ADAMTS10: variants seen among roughly 807,000 people sequenced by gnomAD.
ADAMTS10 encodes ADAM metallopeptidase with thrombospondin type 1 motif 10.
In ADAMTS10, 48 loss-of-function variants were observed where a neutral mutation model predicts 135.9. The observed-to-expected ratio is 0.35, with a 90% CI of 0.28 to 0.45. The LOEUF (loss-of-function observed/expected upper bound fraction) is 0.45. Ranked by LOEUF, ADAMTS10 falls within the 20% of genes least tolerant of loss-of-function variation. The pLI, the probability that ADAMTS10 is intolerant of heterozygous loss-of-function variation, is 1.00. For synonymous variants in ADAMTS10, 621 were observed against 647.5 expected (o/e 0.96, Z 0.62); for missense variants, 1,131 against 1,565.2 (o/e 0.72, Z 4.68).
At chr19:8,585,394 G>A in intron 23 of ADAMTS10, 62 bp downstream of exon 23, 3 of 1,536,144 alleles carry the variant, frequency 2.0e-6, no homozygotes, top group Non-Finnish European at 2.6e-6. Context: ...ACCGCGCAGA[G>A]GCGTCTCCGT....
At chr19:8,609,508 G>A (rs1424563637) in intron 1 of ADAMTS10, among the ~76,000 whole-genome samples, 2 of 152,046 alleles carry the variant, frequency 1.3e-5, no homozygotes, top group African/African-American at 2.4e-5. Context: ...GGCCAAGGCC[G>A]CGTCTCCCCA....
Position 8,592,051 on chromosome 19 carries a change from T to C in ADAMTS10, c.1640A>G (p.Asp547Gly). ...VPFGSRPEGV[D>G]GAWGPWTPWG... ...TGGAGTCCACGGCCCCCAGGCTCCG[T>C]CCACACCCTCTGGGCGCGACCCAAA... The change falls in exon 14 of 26, where the codon GAC becomes GGC. Residue 547 changes from aspartate to glycine, a missense_variant. This residue lies in a region of ADAMTS10 where 745 missense variants were observed against 1,056.3 expected (regional missense o/e 0.71). Transcript: ENST00000597188. 6.2e-7 allele frequency: 1 copy of C among 1,613,648 alleles called. No individual in the cohort carries two copies. Among genetic ancestry groups the C allele is most frequent in the Non-Finnish European group, 8.5e-7 (1 of 1,179,812 alleles).
intron 7 of ADAMTS10, 36 bp downstream of exon 7, chr19:8,597,198 T>TGAAGGG (rs782740718): frequency 1.2e-5 from 20 of 1,613,830 alleles, no homozygotes; most frequent in East Asian, 4.5e-5. Context: ...CATGCTGGTA[T>TGAAGGG]GAAGGGGAAG....
rs927267532 is a variant in ADAMTS10, at chr19:8,603,753, G to C, written c.567C>G (p.His189Gln). The C allele has an allele frequency of 1.2e-6, 2 of 1,614,028 alleles. No individual in the cohort carries two copies. Among genetic ancestry groups the C allele is most frequent in the East Asian group, 2.2e-5 (1 of 44,896 alleles). The change falls in exon 5 of 26, where the codon CAC (histidine) becomes CAG (glutamine). Residue 189 changes from histidine to glutamine, a missense_variant. His to Gln is a conservative substitution (Grantham distance 24). Around this residue, in one of 3 missense-constraint regions of ADAMTS10, gnomAD observed 306 missense variants for 344.4 expected, o/e 0.89. Transcript: ENST00000597188. Reference protein sequence around the residue: ...VYKRSSLRHPHLDTACGVRDE... With the variant: ...VYKRSSLRHPQLDTACGVRDE... Reference sequence around the variant, plus strand: ...CTCTCACTCCACAGGCTGTGTCCAGGTGGGGGTGACGCAGAGAGGAACGCT... The same window carrying C: ...CTCTCACTCCACAGGCTGTGTCCAGCTGGGGGTGACGCAGAGAGGAACGCT...
chr19:8,585,156 G>A lies in ADAMTS10; in HGVS notation c.3018C>T (p.Arg1006=). The change falls in exon 24 of 26, where the codon CGC becomes CGT. Residue 1006 remains arginine, a synonymous_variant. Coordinates refer to ENST00000597188, the MANE Select transcript of ADAMTS10 (RefSeq NM_030957.4). Reference sequence around the variant, plus strand: ...CCTCACCCCACTCGCCAGCCACCCAGCGGGCCGGGGGGCAGCGGCGCAAGT... The same window carrying A: ...CCTCACCCCACTCGCCAGCCACCCAACGGGCCGGGGGGCAGCGGCGCAAGT... ...RCNLRRCPPA[R]WVAGEWGECS... 7.1e-7 allele frequency: 1 copy of A among 1,409,870 alleles called. No homozygotes were observed. Among genetic ancestry groups the A allele is most frequent in the Non-Finnish European group, 9.2e-7 (1 of 1,087,598 alleles). The allele number at this position is 1,409,870 out of a possible 1,614,324, so 87.3% of individuals were successfully genotyped here. A position where few individuals can be genotyped will look rare whatever the true frequency, so the allele number is the denominator to read the frequency against.
chr19:8,586,043 C>A (rs1246639279), intron 22 of ADAMTS10, 79 bp downstream of exon 22: 4 of 1,605,482 alleles, frequency 2.5e-6, no homozygotes, highest in Admixed American at 3.3e-5. Context: ...TGCTCCCCAC[C>A]CCCCTGGAGC....
chr19:8,596,027 A>G lies in ADAMTS10; in HGVS notation c.1337+46T>C, dbSNP rs988404958. Reference sequence around the variant, plus strand: ...TATCGTCTCCCGTGTACCCTGCCCCACCATGAGTGTGACCCGCTCTGAGGG... The same window carrying G: ...TATCGTCTCCCGTGTACCCTGCCCCGCCATGAGTGTGACCCGCTCTGAGGG... On this transcript the variant is annotated intron_variant, in intron 11 of 25. Coordinates refer to ENST00000597188, the MANE Select transcript of ADAMTS10 (RefSeq NM_030957.4). The surrounding 1 kb of genome is among the most constrained non-coding windows in gnomAD (Gnocchi z 7.2). The G allele has an allele frequency of 1.2e-6, 2 of 1,613,926 alleles. No homozygotes were observed. The highest frequency in any genetic ancestry group is 1.7e-6 in the Non-Finnish European group (2 of 1,179,896).
At chr19:8,592,656 T>G (rs116796882) in intron 13 of ADAMTS10, 107 bp downstream of exon 13, 8 of 1,141,024 alleles carry the variant, frequency 7.0e-6, no homozygotes, top group Admixed American at 6.0e-5. Context: ...GCGTGGCCAA[T>G]GTGGGAGGGA....
rs1555736760 is a variant in ADAMTS10, at chr19:8,585,447, G to A, written c.2865+9C>T. 3 of 1,537,270 alleles carry A rather than the reference G, an allele frequency of 2.0e-6. No individual in the cohort carries two copies. In the Admixed American group the frequency reaches 5.9e-5, roughly 30 times the overall value. On this transcript the variant is annotated intron_variant, in intron 23 of 25. Coordinates refer to ENST00000597188, the MANE Select transcript of ADAMTS10 (RefSeq NM_030957.4). ...ATCCCAGTGGGCGCGAAGGAAGGGG[G>A]CGGCTGACCTCAGACCAGTCGAGGG...
At chr19:8,603,368 G>A (rs1301266656) in intron 5 of ADAMTS10, among the ~76,000 whole-genome samples, 1 of 151,994 alleles carries the variant, frequency 6.6e-6, no homozygotes, top group Non-Finnish European at 1.5e-5. Flanking sequence ...TCTGCCTCCC[G>A]GGTTCAAGTG....
rs1404792368 is a variant in ADAMTS10 at position 8,601,409 on chromosome 19, T to C, written c.593-264A>G. On this transcript the variant is annotated intron_variant, in intron 5 of 25. Coordinates refer to ENST00000597188, the MANE Select transcript of ADAMTS10 (RefSeq NM_030957.4). The surrounding 1 kb of genome is among the most constrained non-coding windows in gnomAD (Gnocchi z 4.6). ...CGGAGTATCATTCTGTCACCCAGGCTGGACTGCAGTGGTGCGATCTTGGCT... is the reference window on the plus strand; with the variant it reads ...CGGAGTATCATTCTGTCACCCAGGCCGGACTGCAGTGGTGCGATCTTGGCT... Among the ~76,000 whole-genome samples the C allele has an allele frequency of 2.6e-5, 4 of 151,184 alleles. No individual in the cohort carries two copies. The highest frequency in any genetic ancestry group is 2.6e-4 in the Admixed American group (4 of 15,136).
chr19:8,608,808 G>A (rs2042749292), intron 1 of ADAMTS10, among the ~76,000 whole-genome samples: 1 of 152,046 alleles, frequency 6.6e-6, no homozygotes, highest in South Asian at 2.1e-4. Flanking sequence ...TTGGGCTCAG[G>A]TGGGGTGTGA....
chr19:8,610,419 A>G (rs1166095695), intron 1 of ADAMTS10, among the ~76,000 whole-genome samples: 1 of 112,384 alleles, frequency 8.9e-6, no homozygotes. Flanking sequence ...CCCTACGTGG[A>G]CGGACACACA....
Position 8,609,823 on chromosome 19 carries a change from G to C in ADAMTS10, c.-215+821C>G, listed in dbSNP as rs532885072. Among the ~76,000 whole-genome samples, 3 of 151,656 alleles carry C rather than the reference G, an allele frequency of 2.0e-5. No individual in the cohort carries two copies. The East Asian group carries it at 5.9e-4, about 30-fold the overall frequency. ...CACACACCCCGCGCAACCAGAGACC[G>C]GCGCTCGGGCACTGTAGACCCACAA... On this transcript the variant is annotated intron_variant, in intron 1 of 25. Transcript: ENST00000597188.
In ADAMTS10 at chr19:8,586,335, C is replaced by A. The variant is rs782625211; in HGVS notation, c.2530+9G>T. On this transcript the variant is annotated intron_variant, in intron 21 of 25. Coordinates refer to ENST00000597188, the MANE Select transcript of ADAMTS10 (RefSeq NM_030957.4). ...GGTATCTTGTGCCTTCCCCCACCCC[C>A]GGCCTCACCGCCTGCACACTGGGCC... is the stretch of plus-strand genomic sequence containing the variant. 12 of 1,613,500 alleles carry A rather than the reference C, an allele frequency of 7.4e-6. No homozygotes were observed. In the South Asian group the frequency reaches 1.3e-4, roughly 18 times the overall value.
rs2042619956 is a variant in ADAMTS10, at chr19:8,597,563, G to T, written c.811-246C>A. On this transcript the variant is annotated intron_variant, in intron 6 of 25. Coordinates refer to ENST00000597188, the MANE Select transcript of ADAMTS10 (RefSeq NM_030957.4). Reference sequence around the variant, plus strand: ...TCCTGCCTGGCCTCCCATAGGGCTGGGATTACAGGTGTGAGCCACCATGCC... The same window carrying T: ...TCCTGCCTGGCCTCCCATAGGGCTGTGATTACAGGTGTGAGCCACCATGCC... Among the ~76,000 whole-genome samples, 6 of 152,092 alleles carry T rather than the reference G, an allele frequency of 3.9e-5. No individual in the cohort carries two copies. In the South Asian group the frequency reaches 1.2e-3, roughly 32 times the overall value.
At chr19:8,581,130 C>CCTTTTTTTTTTTTTTTTTTTTTTT (rs1491576985) in intron 25 of ADAMTS10, 128 bp from the exon 26 acceptor site, 1 of 136,668 alleles carries the variant, frequency 7.3e-6, no homozygotes, top group African/African-American at 5.5e-5. Context: ...TTTAAATTTA[C>CCTTTTTTTTTTTTTTTTTTTTTTT]TTTTTTTTTT....
In ADAMTS10 at chr19:8,599,631, T is replaced by TGCAACCTTCCTTTCTACCCCTGTCCCC; in HGVS notation, c.810+1296_810+1297insGGGGACAGGGGTAGAAAGGAAGGTTGC. ...CAGGTGTGAGCCACCGTGCCCAGCCTACTGCGATTTATTTATTTATTTATG... is the reference window on the plus strand; with the variant it reads ...CAGGTGTGAGCCACCGTGCCCAGCCTGCAACCTTCCTTTCTACCCCTGTCCCCACTGCGATTTATTTATTTATTTATG... On this transcript the variant is annotated intron_variant, in intron 6 of 25. Coordinates refer to ENST00000597188, the MANE Select transcript of ADAMTS10 (RefSeq NM_030957.4). 2.6e-5 allele frequency among the ~76,000 whole-genome samples: 4 copies of TGCAACCTTCCTTTCTACCCCTGTCCCC among 152,062 alleles called. No homozygotes were observed. In the South Asian group the frequency reaches 8.3e-4, roughly 32 times the overall value.
At position 8,589,275 on chromosome 19, in the gene ADAMTS10, C is replaced by G. The variant is rs550588972; in HGVS notation, c.2125G>C (p.Glu709Gln). 1.2e-6 allele frequency: 2 copies of G among 1,612,398 alleles called. No individual in the cohort carries two copies. The highest frequency in any genetic ancestry group is 1.7e-6 in the Non-Finnish European group (2 of 1,179,968). ...GGDGSACETI[E>Q]GVFSPASPGA... ...GGTGAGGCTGGGCTGAAGACGCCCT[C>G]GATGGTCTCGCAGGCACTGCCGTCA... Residue 709 changes from glutamate to glutamine, a missense_variant, in exon 18 of 26, where the codon GAG becomes CAG. Physicochemically the swap from Glu to Gln is conservative, Grantham distance 29. Transcript: ENST00000597188.
Sources: allele counts gnomAD v4.1 joint callset (sites outside exome capture counted in the v4.1 genomes callset), GRCh38; gene constraint gnomAD v4.1.1; regional missense constraint gnomAD v4.1.1; non-coding constraint Gnocchi (gnomAD v3.1); transcripts MANE v1.5; gene names NCBI Gene and HGNC (gene_info 2026-07-23, HGNC 2026-07-21).